The following DCP1B variants were observed in gnomAD, a reference collection of about 807,000 sequenced individuals.
DCP1B encodes decapping mRNA 1B, also known as mRNA-decapping enzyme 1B.
Under a neutral mutation model 60.5 loss-of-function variants are expected in DCP1B, and 47 were observed. That is an observed-to-expected ratio of 0.78 (90% CI 0.61 to 0.99). The LOEUF (loss-of-function observed/expected upper bound fraction) is 0.99, where lower values mean the gene tolerates loss of function less well. Ranked by LOEUF, DCP1B falls within the 50% of genes least tolerant of loss-of-function variation. The probability of loss-of-function intolerance (pLI) is 0.00; values close to 1 mark genes in which losing one functional copy is unlikely to be tolerated. For missense variants in DCP1B, 725 were observed against 756.8 expected (o/e 0.96, Z 0.49); for synonymous variants, 267 against 280.3 (o/e 0.95, Z 0.47).
At chr12:1,942,324 T>G (rs1592770117), downstream of DCP1B, among the ~76,000 whole-genome samples, 1 of 152,290 alleles carries the variant, frequency 6.6e-6, no homozygotes, top group East Asian at 1.9e-4. Context: ...AGACTTAGAC[T>G]CCTACATAAT....
intron 5 of DCP1B, among the ~76,000 whole-genome samples, chr12:1,958,059 TC>T (rs2030956061): frequency 6.7e-6 from 1 of 148,794 alleles, no homozygotes; most frequent in South Asian, 2.1e-4. Context: ...GGGGAAAAGC[TC>T]CCCAACGTCG....
At chr12:1,999,048 A>T (rs2041579885) in intron 1 of DCP1B, among the ~76,000 whole-genome samples, 1 of 152,240 alleles carries the variant, frequency 6.6e-6, no homozygotes, top group Non-Finnish European at 1.5e-5. Flanking sequence ...ACTTTAGTTC[A>T]GTGGGTCTCA....
intron 5 of DCP1B, among the ~76,000 whole-genome samples, chr12:1,956,206 T>C (rs1215802351): frequency 1.3e-5 from 2 of 152,226 alleles, no homozygotes; most frequent in East Asian, 3.8e-4. Context: ...CTCATTATTA[T>C]ACATTAATCT....
At chr12:1,988,754 T>G (rs2038531861) in intron 3 of DCP1B, among the ~76,000 whole-genome samples, 1 of 152,228 alleles carries the variant, frequency 6.6e-6, no homozygotes, top group Non-Finnish European at 1.5e-5. Flanking sequence ...GATGGCCTAT[T>G]TAGAAGATGG....
At chr12:1,955,282 G>GA in intron 6 of DCP1B, 150 bp downstream of exon 6, 1 of 994,496 alleles carries the variant, frequency 1.0e-6, no homozygotes, top group East Asian at 2.7e-5. Flanking sequence ...TATTAATAAT[G>GA]AAAAAATCTG....
intron 3 of DCP1B, 87 bp from the exon 4 acceptor site, chr12:1,967,997 TAATC>T: frequency 2.0e-6 from 2 of 997,246 alleles, no homozygotes; most frequent in Non-Finnish European, 3.0e-6. Context: ...AAATACATAA[TAATC>T]TATGTGTTAA....
chr12:1,957,984 CAG>C (rs1446079228), intron 5 of DCP1B, among the ~76,000 whole-genome samples: 38 of 151,896 alleles, frequency 2.5e-4, no homozygotes, highest in African/African-American at 8.5e-4. Flanking sequence ...TGGAAGGAAA[CAG>C]GGGAAAAGCT....
chr12:1,949,469 T>A, intron 7 of DCP1B, 135 bp from the exon 8 acceptor site: 1 of 1,245,966 alleles, frequency 8.0e-7, no homozygotes, highest in Non-Finnish European at 1.1e-6. Context: ...TATGGGAAAC[T>A]GATTCTTGCT....
intron 3 of DCP1B, 32 bp downstream of exon 3, chr12:1,993,232 T>G (rs1477142813): frequency 1.2e-6 from 2 of 1,613,852 alleles, no homozygotes; most frequent in African/African-American, 2.7e-5. Context: ...ACTTCAGAAG[T>G]AAAACAACCC....
downstream of DCP1B, among the ~76,000 whole-genome samples, chr12:1,945,628 A>C (rs1463350919): frequency 6.6e-6 from 1 of 152,242 alleles, no homozygotes; most frequent in African/African-American, 2.4e-5. Flanking sequence ...ACTTGGAACC[A>C]ACCCAAATGT....
intron 4 of DCP1B, chr12:1,966,039 G>A (rs973545080): frequency 5.2e-6 from 1 of 193,370 alleles, no homozygotes; most frequent in Non-Finnish European, 1.0e-5. Flanking sequence ...TTCTATAGTC[G>A]GAACACAAAT....
At chr12:1,943,408 A>G (rs1294094094), downstream of DCP1B, among the ~76,000 whole-genome samples, 1 of 152,250 alleles carries the variant, frequency 6.6e-6, no homozygotes, top group Non-Finnish European at 1.5e-5. Context: ...AACAGTAGAA[A>G]AAGAGAGACT....
At chr12:1,977,401 T>C (rs1447764500) in intron 3 of DCP1B, among the ~76,000 whole-genome samples, 9 of 152,232 alleles carry the variant, frequency 5.9e-5, no homozygotes, top group Admixed American at 3.3e-4. Flanking sequence ...TTGTGACTCC[T>C]GCTTGATCAC....
At chr12:1,942,582 A>G (rs559043538), downstream of DCP1B, among the ~76,000 whole-genome samples, 11 of 152,224 alleles carry the variant, frequency 7.2e-5, no homozygotes, top group Non-Finnish European at 1.2e-4. Flanking sequence ...GGAAATCATA[A>G]CAAACAGTCT....
chr12:1,953,644 C>T (rs1324345573), intron 6 of DCP1B, among the ~76,000 whole-genome samples: 1 of 152,130 alleles, frequency 6.6e-6, no homozygotes, highest in East Asian at 1.9e-4. Context: ...CCATCTAAGC[C>T]TGCAGAGTAA....
downstream of DCP1B, among the ~76,000 whole-genome samples, chr12:1,942,759 T>G (rs959796755): frequency 2.0e-5 from 3 of 152,070 alleles, no homozygotes; most frequent in African/African-American, 7.2e-5. Flanking sequence ...CAAAGACATA[T>G]CGCACCAGAA....
chr12:1,976,108 T>C (rs531385071), intron 3 of DCP1B, among the ~76,000 whole-genome samples: 1 of 152,118 alleles, frequency 6.6e-6, no homozygotes, highest in South Asian at 2.1e-4. Flanking sequence ...ATAGTTTTCT[T>C]TAGAGTTTAG....
chr12:1,966,717 C>T (rs1424066219), intron 4 of DCP1B, among the ~76,000 whole-genome samples: 3 of 152,116 alleles, frequency 2.0e-5, no homozygotes, highest in Non-Finnish European at 4.4e-5. Flanking sequence ...TTTACAGTAA[C>T]ATGAATGTTC....
In DCP1B at chr12:1,971,638, T is replaced by C. The variant is rs2032321189; in HGVS notation, c.320-3728A>G. On this transcript the variant is annotated intron_variant, in intron 3 of 8. Coordinates refer to ENST00000280665, the MANE Select transcript of DCP1B (RefSeq NM_152640.5). The surrounding 1 kb of genome is among the most constrained non-coding windows in gnomAD (Gnocchi z 4.2). Reference sequence around the variant, plus strand: ...CTTCAGTGGAAAAACCAAAAGCTGGTCAAATTTTAAGAGGCTAGTTAAGGG... The same window carrying C: ...CTTCAGTGGAAAAACCAAAAGCTGGCCAAATTTTAAGAGGCTAGTTAAGGG... 6.6e-6 allele frequency among the ~76,000 whole-genome samples: 1 copy of C among 152,200 alleles called. No individual in the cohort carries two copies. Among genetic ancestry groups the C allele is most frequent in the Non-Finnish European group, 1.5e-5 (1 of 68,028 alleles).
Sources: allele counts gnomAD v4.1 joint callset (sites outside exome capture counted in the v4.1 genomes callset), GRCh38; gene constraint gnomAD v4.1.1; non-coding constraint Gnocchi (gnomAD v3.1); transcripts MANE v1.5; gene names NCBI Gene and HGNC (gene_info 2026-07-23, HGNC 2026-07-21).